The following LILRB4 variants were observed in gnomAD, a reference collection of about 807,000 sequenced individuals.
LILRB4 encodes leukocyte immunoglobulin like receptor B4.
Under a neutral mutation model 55.2 loss-of-function variants are expected in LILRB4, and 49 were observed. The observed-to-expected ratio is 0.89, with a 90% CI of 0.71 to 1.13. LILRB4 has a LOEUF of 1.13. Ranked by LOEUF, LILRB4 falls within the 50% of genes most tolerant of loss-of-function variation. The pLI, the probability that LILRB4 is intolerant of heterozygous loss-of-function variation, is 0.00. For synonymous variants in LILRB4, 229 were observed against 213.8 expected (o/e 1.07, Z -0.62); for missense variants, 590 against 555.2 (o/e 1.06, Z -0.63).
chr19:54,665,312 C>T lies in LILRB4; in HGVS notation c.757+132C>T. The T allele has an allele frequency of 7.6e-7, 1 of 1,315,694 alleles. No individual in the cohort carries two copies. The highest frequency in any genetic ancestry group is 1.0e-6 in the Non-Finnish European group (1 of 972,476). 81.5% of individuals were successfully genotyped at this position (1,315,694 alleles called of 1,614,324 possible). A position where few individuals can be genotyped will look rare whatever the true frequency, so the allele number is the denominator to read the frequency against. ...TCCCCTGCATGGGCCTCAGTTTCTC[C>T]AAGTGTAAAGGAGAGAGGCCTGCGG... On this transcript the variant is annotated intron_variant, in intron 6 of 11. Transcript: ENST00000430952. The surrounding 1 kb of genome is among the most constrained non-coding windows in gnomAD (Gnocchi z 5.5).
chr19:54,663,165 A>G (rs2065079792), intron 1 of LILRB4, 98 bp downstream of exon 1: 5 of 1,421,310 alleles, frequency 3.5e-6, no homozygotes, highest in Admixed American at 4.3e-5. Flanking sequence ...ATCTCAGGGT[A>G]GCCGGGCGCG....
At position 54,666,029 on chromosome 19, in the gene LILRB4, G is replaced by A; in HGVS notation, c.874+98G>A. On this transcript the variant is annotated intron_variant, in intron 7 of 11. Transcript: ENST00000430952. The surrounding 1 kb of genome is among the most constrained non-coding windows in gnomAD (Gnocchi z 4.8). The stretch of plus-strand genomic sequence containing the variant: ...TAGGAGAGGTCATCTTAGAAACTCT[G>A]CTCCAGAAATTCCCAGTGAGAAAAT... 6.8e-7 allele frequency: 1 copy of A among 1,479,640 alleles called. No individual in the cohort carries two copies. Among genetic ancestry groups the A allele is most frequent in the Middle Eastern group, 1.8e-4 (1 of 5,590 alleles). 91.7% of individuals were successfully genotyped at this position (1,479,640 alleles called of 1,614,324 possible).
chr19:54,667,941 G>A, exon 12 of LILRB4: 1 of 1,612,550 alleles, frequency 6.2e-7, no homozygotes, highest in Non-Finnish European at 8.5e-7. Flanking sequence ...TCAGACAGAA[G>A]GCAACTGAGC....
chr19:54,663,213 G>C (rs545163373), intron 1 of LILRB4, 146 bp downstream of exon 1: 1 of 912,286 alleles, frequency 1.1e-6, no homozygotes, highest in Middle Eastern at 3.4e-4. Flanking sequence ...TTGGGAGGCC[G>C]AGGCGGGCGG....
At chr19:54,664,516 T>A in intron 4 of LILRB4, 31 bp downstream of exon 4, 1 of 1,566,442 alleles carries the variant, frequency 6.4e-7, no homozygotes, top group Non-Finnish European at 8.7e-7. Flanking sequence ...CTCTCTGAGC[T>A]CAGTGGCTCC....
In LILRB4 at chr19:54,664,359, C is replaced by T; in HGVS notation, c.529C>T (p.Gln177Ter). 5 of 1,614,132 alleles carry T rather than the reference C, an allele frequency of 3.1e-6. No individual in the cohort carries two copies. The highest frequency in any genetic ancestry group is 3.4e-6 in the Non-Finnish European group (4 of 1,179,994). Residue 177 changes from glutamine (Q) to a stop codon, truncating the protein, a stop_gained, in exon 4 of 12, where the codon CAG becomes TAG. Transcript: ENST00000430952. LOFTEE classifies it high-confidence loss of function. ...ATCAGAGCACGGAGCTCAGCAGCAC[C>T]AGGCTGAATTCCCCATGAGTCCTGT...
exon 3 of LILRB4, chr19:54,663,835 G>T: frequency 6.2e-7 from 1 of 1,614,164 alleles, no homozygotes; most frequent in Non-Finnish European, 8.5e-7. Flanking sequence ...TGGTGTCAGG[G>T]GACCCTGGAG....
chr19:54,665,346 G>T lies in LILRB4; in HGVS notation c.757+166G>T. 4.4e-6 allele frequency: 4 copies of T among 909,718 alleles called. No homozygotes were observed. Among genetic ancestry groups the T allele is most frequent in the Non-Finnish European group, 2.6e-6 (2 of 761,008 alleles). The allele number at this position is 909,718 out of a possible 1,614,324, so 56.4% of individuals were successfully genotyped here. ...AGGAGAGAGGCCTGCGGGTGGGAAA[G>T]TTCCTTTCAGCTCTGACTCCCAGCT... On this transcript the variant is annotated intron_variant, in intron 6 of 11. Coordinates refer to ENST00000430952, the Ensembl canonical transcript of LILRB4. The surrounding 1 kb of genome is among the most constrained non-coding windows in gnomAD (Gnocchi z 5.5).
chr19:54,663,447 A>AC (rs2065103760), intron 1 of LILRB4, 85 bp from the exon 2 acceptor site: 1 of 1,326,966 alleles, frequency 7.5e-7, no homozygotes, highest in African/African-American at 1.5e-5. Flanking sequence ...CCGTCTCAAA[A>AC]AAAAAAAAAA....
At chr19:54,664,541 G>T (rs894709321) in intron 4 of LILRB4, 56 bp downstream of exon 4, 103 of 1,515,922 alleles carry the variant, frequency 6.8e-5, no homozygotes, top group Non-Finnish European at 8.8e-5. Context: ...ATGCCCTGCT[G>T]CCAGGAGAGC....
In LILRB4 at chr19:54,667,314, A is replaced by G. The variant is rs1010517023; in HGVS notation, c.1042-324A>G. 29 of 589,972 alleles carry G rather than the reference A, an allele frequency of 4.9e-5. No individual in the cohort carries two copies. In the Admixed American group the frequency reaches 7.3e-4, roughly 15 times the overall value. 36.5% of individuals were successfully genotyped at this position (589,972 alleles called of 1,614,324 possible). On this transcript the variant is annotated intron_variant, in intron 10 of 11. Coordinates refer to ENST00000430952, the Ensembl canonical transcript of LILRB4. ...GCTGTCTGCTCAGCTGTCATCTGAG[A>G]AGCCTGGACGGAGAGGGCCACGTGA...
intron 10 of LILRB4, chr19:54,667,294 C>T (rs929970166): frequency 3.8e-5 from 22 of 581,922 alleles, no homozygotes; most frequent in South Asian, 3.8e-4. Context: ...GGAGGGCTGT[C>T]TGCTCAGCTG....
chr19:54,665,949 G>A lies in LILRB4; in HGVS notation c.874+18G>A, dbSNP rs1196303614. The stretch of plus-strand genomic sequence containing the variant: ...GACATTGGGTAAGTAGGAAATTGGG[G>A]GACCCGTGGGCTGATGGAGGGTGGG... On this transcript the variant is annotated intron_variant, in intron 7 of 11. Transcript: ENST00000430952. This position sits in a 1 kb window ranked among gnomAD's most constrained non-coding sequence, Gnocchi z 5.5. 1 of 1,613,748 alleles carries A rather than the reference G, an allele frequency of 6.2e-7. No individual in the cohort carries two copies. The highest frequency in any genetic ancestry group is 8.5e-7 in the Non-Finnish European group (1 of 1,179,882).
chr19:54,665,065 G>A lies in LILRB4; in HGVS notation c.707-65G>A, dbSNP rs757459853. 2 of 1,587,364 alleles carry A rather than the reference G, an allele frequency of 1.3e-6. No homozygotes were observed. The highest frequency in any genetic ancestry group is 2.2e-5 in the East Asian group (1 of 44,554). On this transcript the variant is annotated intron_variant, in intron 5 of 11. Coordinates refer to ENST00000430952, the Ensembl canonical transcript of LILRB4. This position sits in a 1 kb window ranked among gnomAD's most constrained non-coding sequence, Gnocchi z 5.5. ...GGTCAAGGCTGAAGGAGATGTTGCG[G>A]GGAGAAGCCGAGCTGATGTGGGGAG... is the stretch of plus-strand genomic sequence containing the variant.
chr19:54,666,851 C>T lies in LILRB4; in HGVS notation c.1041+102C>T, dbSNP rs879126218. On this transcript the variant is annotated intron_variant, in intron 10 of 11. Transcript: ENST00000430952. The surrounding 1 kb of genome is among the most constrained non-coding windows in gnomAD (Gnocchi z 4.8). Reference sequence around the variant, plus strand: ...CTTCCCCCGGCTCTCAGCATCGTCACGGTGGACCCCTCCTTGTCCAGCACG... The same window carrying T: ...CTTCCCCCGGCTCTCAGCATCGTCATGGTGGACCCCTCCTTGTCCAGCACG... 1.3e-4 allele frequency: 151 copies of T among 1,139,652 alleles called. 1 individual carries two copies. In the South Asian group the frequency reaches 1.6e-3, roughly 12 times the overall value. The allele number at this position is 1,139,652 out of a possible 1,614,324, so 70.6% of individuals were successfully genotyped here. A position where few individuals can be genotyped will look rare whatever the true frequency, so the allele number is the denominator to read the frequency against.
rs759587165 is a variant in LILRB4, at chr19:54,666,661, T to A, written c.989-36T>A. The A allele has an allele frequency of 6.2e-7, 1 of 1,609,038 alleles. No homozygotes were observed. The highest frequency in any genetic ancestry group is 1.7e-5 in the Admixed American group (1 of 59,940). On this transcript the variant is annotated intron_variant, in intron 9 of 11. Transcript: ENST00000430952. The surrounding 1 kb of genome is among the most constrained non-coding windows in gnomAD (Gnocchi z 4.8). ...CAGGAATGAGAGGTCCCAGGGAACC[T>A]TCCCAGGAGATGAACCCCTTGCTCT...
rs373592208 is a variant in LILRB4, at chr19:54,664,514, G to A, written c.655+29G>A. 4.5e-5 allele frequency: 70 copies of A among 1,567,334 alleles called. 1 individual carries two copies. The highest frequency in any genetic ancestry group is 4.3e-4 in the East Asian group (19 of 44,628). ...AGGCTCCTGACCCTGTCCTCTCTGA[G>A]CTCAGTGGCTCCGTTCATGCCCTGC... On this transcript the variant is annotated intron_variant, in intron 4 of 11. Coordinates refer to ENST00000430952, the Ensembl canonical transcript of LILRB4.
rs763564307 is a variant in LILRB4, at chr19:54,667,803, T to C, written c.1197+10T>C. Reference sequence around the variant, plus strand: ...ACAGATGGACACTGAGGTGAGTCCTTTCCTCTCCAGGCCCCCAGGCCTCCC... The same window carrying C: ...ACAGATGGACACTGAGGTGAGTCCTCTCCTCTCCAGGCCCCCAGGCCTCCC... On this transcript the variant is annotated intron_variant, in intron 11 of 11. Coordinates refer to ENST00000430952, the Ensembl canonical transcript of LILRB4. 1.9e-5 allele frequency: 31 copies of C among 1,610,588 alleles called. No homozygotes were observed. The highest frequency in any genetic ancestry group is 2.4e-5 in the Non-Finnish European group (28 of 1,179,018).
In LILRB4 at chr19:54,667,560, T is replaced by C. The variant is rs553956630; in HGVS notation, c.1042-78T>C. 2.3e-3 allele frequency: 3,724 copies of C among 1,592,734 alleles called. 20 individuals carry two copies. Among genetic ancestry groups the C allele is most frequent in the South Asian group, 5.0e-3 (432 of 87,192 alleles). On this transcript the variant is annotated intron_variant, in intron 10 of 11. Transcript: ENST00000430952. ...GGAAAGGGATGTAATCGGATCACCC[T>C]GGGAACAGTGGGGAAAATTGACTCC...
Sources: gnomAD v4.1 joint callset for allele counts on GRCh38, gnomAD v4.1.1 for gene constraint, Gnocchi (gnomAD v3.1) non-coding constraint, MANE v1.5 for transcripts, NCBI Gene and HGNC (gene_info 2026-07-23, HGNC 2026-07-21) for gene names.